The following EPG5 variants were observed in gnomAD, a reference collection of about 807,000 sequenced individuals.
EPG5 encodes the protein ectopic P-granules 5 autophagy tethering factor, also known as ectopic P granules protein 5 homolog.
EPG5 carries 159 observed loss-of-function variants against 302.7 expected under a neutral mutation model. The observed-to-expected ratio is 0.53, with a 90% CI of 0.46 to 0.60. EPG5 has a LOEUF of 0.60. Ranked by LOEUF, EPG5 falls within the 20% of genes least tolerant of loss-of-function variation. The probability of loss-of-function intolerance (pLI) is 0.00; values close to 1 mark genes in which losing one functional copy is unlikely to be tolerated. For synonymous variants in EPG5, 1,158 were observed against 1,136.8 expected, an observed-to-expected ratio of 1.02 and a Z score of -0.37; for missense variants, 2,896 against 3,092.4, an observed-to-expected ratio of 0.94 and a Z score of 1.51.
the EPG5 span, among the ~76,000 whole-genome samples, chr18:45,823,038 A>C: frequency 6.6e-6 from 1 of 152,222 alleles, no homozygotes; most frequent in Non-Finnish European, 1.5e-5. Context: ...TAGAGGTTGC[A>C]CAGAGAACTG....
chr18:45,825,708 G>A, the EPG5 span: 1 of 1,614,144 alleles, frequency 6.2e-7, no homozygotes, highest in Non-Finnish European at 8.5e-7. Context: ...GTCTGGCCTG[G>A]GGTGTTCAGA....
intron 23 of EPG5, among the ~76,000 whole-genome samples, chr18:45,910,270 A>C (rs559253226): frequency 6.6e-4 from 100 of 152,324 alleles, no homozygotes; most frequent in African/African-American, 2.4e-3. Flanking sequence ...TTTTACGTAA[A>C]GAAGTAGAAG....
At chr18:45,916,287 T>C in intron 18 of EPG5, 81 bp from the exon 19 acceptor site, 1 of 1,520,044 alleles carries the variant, frequency 6.6e-7, no homozygotes, top group East Asian at 2.3e-5. Flanking sequence ...GCTATCTACC[T>C]CCACTACAAA....
chr18:45,880,334 C>A, intron 31 of EPG5, 111 bp from the exon 32 acceptor site: 1 of 1,081,652 alleles, frequency 9.2e-7, no homozygotes, highest in South Asian at 2.1e-5. Context: ...AGCCAAAATC[C>A]AAAACAAACT....
At chr18:45,820,434 G>A in the EPG5 span, among the ~76,000 whole-genome samples, 2 of 152,192 alleles carry the variant, frequency 1.3e-5, no homozygotes, top group African/African-American at 4.8e-5. Context: ...AGCTGGCCCT[G>A]GTTCTGGGGC....
chr18:45,963,197 A>G (rs771767189), intron 1 of EPG5, among the ~76,000 whole-genome samples: 3 of 152,160 alleles, frequency 2.0e-5, no homozygotes, highest in Non-Finnish European at 4.4e-5. Context: ...CACAGAGGGG[A>G]GCAGAGTGCT....
downstream of EPG5, among the ~76,000 whole-genome samples, chr18:45,845,934 G>A (rs1249949634): frequency 6.6e-6 from 1 of 152,210 alleles, no homozygotes; most frequent in East Asian, 1.9e-4. Flanking sequence ...CCACCCAGGG[G>A]ATAATCTATG....
chr18:45,927,633 C>CAT (rs1555676803), intron 13 of EPG5, among the ~76,000 whole-genome samples: 13 of 151,262 alleles, frequency 8.6e-5, no homozygotes, highest in African/African-American at 2.9e-4. Flanking sequence ...CACACACACA[C>CAT]GCACCAAGGA....
At chr18:45,926,720 G>A (rs1469861240) in intron 13 of EPG5, among the ~76,000 whole-genome samples, 1 of 151,924 alleles carries the variant, frequency 6.6e-6, no homozygotes, top group Non-Finnish European at 1.5e-5. Flanking sequence ...TCAGGAGGCA[G>A]GAGAATCGCT....
chr18:45,869,168 A>G (rs934391109), intron 36 of EPG5, among the ~76,000 whole-genome samples: 35 of 152,212 alleles, frequency 2.3e-4, no homozygotes, highest in African/African-American at 8.2e-4. Flanking sequence ...AAAATAAAAC[A>G]TGGCTACTCA....
chr18:45,898,243 G>A (rs991443179), intron 27 of EPG5, among the ~76,000 whole-genome samples: 2 of 152,202 alleles, frequency 1.3e-5, no homozygotes, highest in South Asian at 2.1e-4. Context: ...CTCTGGAGCC[G>A]GACTGCCTGG....
At chr18:45,924,612 A>G (rs969536091) in intron 14 of EPG5, among the ~76,000 whole-genome samples, 1 of 152,262 alleles carries the variant, frequency 6.6e-6, no homozygotes, top group African/African-American at 2.4e-5. Context: ...GTAAAGAGGC[A>G]GAGAAGGTCT....
chr18:45,801,047 G>T, the EPG5 span, among the ~76,000 whole-genome samples: 2 of 151,854 alleles, frequency 1.3e-5, no homozygotes, highest in Non-Finnish European at 2.9e-5. Flanking sequence ...TTGTTTTTCG[G>T]TTTTTTTGAG....
chr18:45,918,493 A>C (rs1044274857), intron 16 of EPG5, among the ~76,000 whole-genome samples: 1 of 152,206 alleles, frequency 6.6e-6, no homozygotes, highest in African/African-American at 2.4e-5. Flanking sequence ...GCTAAAACCA[A>C]TTTGGCATAA....
intron 24 of EPG5, among the ~76,000 whole-genome samples, chr18:45,905,304 AGTGT>A (rs1299058087): frequency 6.6e-6 from 1 of 152,170 alleles, no homozygotes; most frequent in African/African-American, 2.4e-5. Context: ...TTGGATTTTA[AGTGT>A]TCTAAAGGCC....
Position 45,886,206 on chromosome 18 carries a change from T to C in EPG5, c.5110-1395A>G, listed in dbSNP as rs527350830. 2.6e-5 allele frequency among the ~76,000 whole-genome samples: 4 copies of C among 152,280 alleles called. No homozygotes were observed. The East Asian group carries it at 7.7e-4, about 29-fold the overall frequency. On this transcript the variant is annotated intron_variant, in intron 29 of 43. Coordinates refer to ENST00000282041, the MANE Select transcript of EPG5 (RefSeq NM_020964.3). ...CACAGCAATCATACCTCTAAGAAAT[T>C]ATCCTAAAGAAAATAGTCCAACAAG... is the stretch of plus-strand genomic sequence containing the variant.
chr18:45,919,168 A>G (rs938154549), intron 16 of EPG5, among the ~76,000 whole-genome samples: 3 of 152,194 alleles, frequency 2.0e-5, no homozygotes, highest in Admixed American at 6.5e-5. Flanking sequence ...GTAATATTAT[A>G]TTCACAAACA....
chr18:45,814,248 C>G, the EPG5 span, among the ~76,000 whole-genome samples: 5 of 152,282 alleles, frequency 3.3e-5, no homozygotes, highest in Non-Finnish European at 2.9e-5. Flanking sequence ...GTAACATACA[C>G]TAATCATGAG....
At position 45,949,476 on chromosome 18, in the gene EPG5, C is replaced by T; in HGVS notation, c.1497+8G>A. On this transcript the variant is annotated splice_region_variant and intron_variant, in intron 5 of 43. Coordinates refer to ENST00000282041, the MANE Select transcript of EPG5 (RefSeq NM_020964.3). The stretch of plus-strand genomic sequence containing the variant: ...AACCCCTCAGAATGAGTTGATGATT[C>T]ATCATACCTGGATAAAAGGAACAGC... The T allele has an allele frequency of 6.4e-7, 1 of 1,570,316 alleles. No individual in the cohort carries two copies. Among genetic ancestry groups the T allele is most frequent in the Non-Finnish European group, 8.8e-7 (1 of 1,142,196 alleles).
Sources: gnomAD v4.1 joint callset for allele counts (sites outside exome capture counted in the v4.1 genomes callset) on GRCh38, gnomAD v4.1.1 for gene constraint, MANE v1.5 for transcripts, NCBI Gene and HGNC (gene_info 2026-07-23, HGNC 2026-07-21) for gene names.